The following TXLNB variants were observed in gnomAD, a reference collection of about 807,000 sequenced individuals.
TXLNB encodes beta-taxilin.
Under a neutral mutation model 57.4 loss-of-function variants are expected in TXLNB, and 37 were observed. The observed-to-expected ratio is 0.64, with a 90% CI of 0.50 to 0.85. The LOEUF is 0.85. Ranked by LOEUF, TXLNB falls within the 40% of genes least tolerant of loss-of-function variation. The pLI, the probability that TXLNB is intolerant of heterozygous loss-of-function variation, is 0.00. For missense variants in TXLNB, 848 were observed against 825.6 expected (o/e 1.03, Z -0.33); for synonymous variants, 302 against 309.6 (o/e 0.98, Z 0.26).
In TXLNB at chr6:139,243,108, C is replaced by T. The variant is rs1775990470; in HGVS notation, c.1473G>A (p.Glu491=). 6.2e-7 allele frequency: 1 copy of T among 1,614,080 alleles called. No individual in the cohort carries two copies. Among genetic ancestry groups the T allele is most frequent in the Non-Finnish European group, 8.5e-7 (1 of 1,180,044 alleles). The change falls in exon 10 of 10, where the codon GAG becomes GAA. Residue 491 remains glutamate, a synonymous_variant. Transcript: ENST00000358430. ...CGGCGGTTTGGACACTATTAACCTC[C>T]TCTGCGTCAATCTCTTGATCCACAG... ...NVSVDQEIDA[E]EVNSVQTAVK... is the part of the protein sequence containing the mutation.
At chr6:139,270,018 C>T (rs144623349) in intron 4 of TXLNB, among the ~76,000 whole-genome samples, 225 of 152,166 alleles carry the variant, frequency 1.5e-3, no homozygotes, top group African/African-American at 5.0e-3. Flanking sequence ...TGTGTCAATT[C>T]GGTGTGTGTC....
Position 139,288,502 on chromosome 6 carries a change from A to C in TXLNB, c.398T>G (p.Leu133Trp). ...TAATCCTTTTAGGATTTTCTTTTCC[A>C]ATTTTTGCTCCTTATTGCTGACGGG... ...KEPVSNKEQK[L>W]EKKILKGLGK... is the part of the protein sequence containing the mutation. Residue 133 changes from leucine to tryptophan, a missense_variant, in exon 2 of 10, where the codon TTG (leucine) becomes TGG (tryptophan). Physicochemically the swap from Leu to Trp is moderately conservative, Grantham distance 61 (BLOSUM62 -2). Coordinates refer to ENST00000358430, the MANE Select transcript of TXLNB (RefSeq NM_153235.4). 1.2e-6 allele frequency: 2 copies of C among 1,613,980 alleles called. No homozygotes were observed. Among genetic ancestry groups the C allele is most frequent in the South Asian group, 2.2e-5 (2 of 91,068 alleles).
chr6:139,320,296 G>A, the TXLNB span, among the ~76,000 whole-genome samples: 1 of 151,966 alleles, frequency 6.6e-6, no homozygotes, highest in Non-Finnish European at 1.5e-5. Context: ...TCATATTATC[G>A]ATTTTGAGCA....
chr6:139,203,196 C>A, the TXLNB span, among the ~76,000 whole-genome samples: 1 of 151,922 alleles, frequency 6.6e-6, no homozygotes, highest in Non-Finnish European at 1.5e-5. Context: ...GCAGATATCT[C>A]TTCGCTACAC....
chr6:139,235,197 T>C (rs1582981075), downstream of TXLNB, among the ~76,000 whole-genome samples: 1 of 151,860 alleles, frequency 6.6e-6, no homozygotes. Context: ...AAGACCACCC[T>C]GGCCTGCCAC....
Position 139,280,268 on chromosome 6 carries a change from A to G in TXLNB, c.425-3347T>C, listed in dbSNP as rs533642170. Among the ~76,000 whole-genome samples the G allele has an allele frequency of 2.4e-3, 365 of 151,182 alleles. 3 individuals are homozygous for G. The highest frequency in any genetic ancestry group is 0.01 in the Middle Eastern group (3 of 292). ...TCTCTCTCTAAAAAAAAAAAAAAAA[A>G]AAAAAAAGAAAGAAAGAAAGAAACA... On this transcript the variant is annotated intron_variant, in intron 2 of 9. Coordinates refer to ENST00000358430, the MANE Select transcript of TXLNB (RefSeq NM_153235.4).
At chr6:139,290,720 AT>A (rs1287054326) in intron 1 of TXLNB, among the ~76,000 whole-genome samples, 1 of 152,234 alleles carries the variant, frequency 6.6e-6, no homozygotes, top group African/African-American at 2.4e-5. Flanking sequence ...GTTATGGTGC[AT>A]TTTATTTGTA....
Position 139,288,777 on chromosome 6 carries a change from T to A in TXLNB, c.123A>T (p.Pro41=), listed in dbSNP as rs1305253185. 6.2e-7 allele frequency: 1 copy of A among 1,614,078 alleles called. No homozygotes were observed. The highest frequency in any genetic ancestry group is 8.5e-7 in the Non-Finnish European group (1 of 1,180,038). ...EKEDGQDSPT[P]VQPPEKEASV... The stretch of plus-strand genomic sequence containing the variant: ...TTGCCTCTTTCTCTGGTGGTTGGAC[T>A]GGGGTTGGAGAATCCTGGCCATCTT... The change falls in exon 2 of 10, where the codon CCA becomes CCT. Residue 41 remains proline (P), a synonymous_variant. Coordinates refer to ENST00000358430, the MANE Select transcript of TXLNB (RefSeq NM_153235.4).
At chr6:139,217,674 C>A in the TXLNB span, among the ~76,000 whole-genome samples, 1 of 151,838 alleles carries the variant, frequency 6.6e-6, no homozygotes, top group South Asian at 2.1e-4. Context: ...CGAGACCATC[C>A]TGGCTAACGC....
At chr6:139,262,505 T>C in intron 5 of TXLNB, 74 bp downstream of exon 5, 2 of 1,349,440 alleles carry the variant, frequency 1.5e-6, no homozygotes, top group Non-Finnish European at 2.0e-6. Context: ...AACTGTCTTA[T>C]TAACCAAGTT....
At chr6:139,308,354 C>G in the TXLNB span, among the ~76,000 whole-genome samples, 1 of 152,194 alleles carries the variant, frequency 6.6e-6, no homozygotes, top group Non-Finnish European at 1.5e-5. Flanking sequence ...ATTGGAAGGA[C>G]TTCCAAAGAC....
upstream of TXLNB, among the ~76,000 whole-genome samples, chr6:139,296,783 G>A (rs1303525315): frequency 6.6e-6 from 1 of 152,094 alleles, no homozygotes; most frequent in African/African-American, 2.4e-5. Context: ...GTGATGGTGC[G>A]CACCTGGTAG....
intron 8 of TXLNB, among the ~76,000 whole-genome samples, chr6:139,245,091 TATCTGGGCAC>T (rs1170399892): frequency 6.6e-6 from 1 of 152,208 alleles, no homozygotes; most frequent in Non-Finnish European, 1.5e-5. Context: ...ATGTTGATAA[TATCTGGGCAC>T]ATCTGAGAAG....
chr6:139,275,257 A>G (rs867920035), intron 3 of TXLNB, among the ~76,000 whole-genome samples: 4 of 152,358 alleles, frequency 2.6e-5, no homozygotes, highest in African/African-American at 9.6e-5. Flanking sequence ...TATTCAAATT[A>G]TTGAATCAGT....
the TXLNB span, among the ~76,000 whole-genome samples, chr6:139,190,305 C>G: frequency 1.8e-5 from 2 of 108,884 alleles, no homozygotes; most frequent in African/African-American, 7.2e-5. Context: ...TTCTTTCTTT[C>G]TTTCTTTTTT....
At chr6:139,292,309 A>T (rs1777320214), upstream of TXLNB, among the ~76,000 whole-genome samples, 1 of 152,200 alleles carries the variant, frequency 6.6e-6, no homozygotes, top group South Asian at 2.1e-4. This position sits in a 1 kb window ranked among gnomAD's most constrained non-coding sequence, Gnocchi z 4.0. Context: ...AACTCTGAGT[A>T]TATTACCCCC....
chr6:139,270,592 T>G lies in TXLNB; in HGVS notation c.551A>C (p.Lys184Thr). 1 of 1,614,140 alleles carries G rather than the reference T, an allele frequency of 6.2e-7. No homozygotes were observed. The highest frequency in any genetic ancestry group is 1.3e-5 in the African/African-American group (1 of 75,038). Reference protein sequence around the residue: ...DEHRTEQKKLKLLQKKQVQIQ... With the variant: ...DEHRTEQKKLTLLQKKQVQIQ... ...TTGTACCTGTTTCTTTTGGAGGAGC[T>G]TTAACTTCTTTTGCTCAGTACGATG... The change falls in exon 4 of 10, where the codon AAG becomes ACG. Residue 184 changes from lysine to threonine, a missense_variant. Lys to Thr is a moderately conservative substitution (Grantham distance 78, BLOSUM62 -1). Transcript: ENST00000358430.
chr6:139,209,527 C>A, the TXLNB span, among the ~76,000 whole-genome samples: 2 of 151,858 alleles, frequency 1.3e-5, no homozygotes, highest in Non-Finnish European at 2.9e-5. Context: ...GTATGTAGAC[C>A]AATGGAACAG....
At chr6:139,248,530 T>C (rs57269081) in intron 7 of TXLNB, among the ~76,000 whole-genome samples, 12,917 of 151,532 alleles carry the variant, frequency 0.085, 600 homozygotes, top group Middle Eastern at 0.11. Flanking sequence ...AAAAAGAAAA[T>C]ATGTTATTTC....
Sources: allele counts gnomAD v4.1 joint callset (sites outside exome capture counted in the v4.1 genomes callset), GRCh38; gene constraint gnomAD v4.1.1; non-coding constraint Gnocchi (gnomAD v3.1); transcripts MANE v1.5; gene names NCBI Gene and HGNC (gene_info 2026-07-23, HGNC 2026-07-21).